Variants in TIPARP observed in about 807,000 individuals in gnomAD.
TIPARP encodes the protein TCDD inducible poly(ADP-ribose) polymerase, also known as protein mono-ADP-ribosyltransferase TIPARP.
Under a neutral mutation model 56.5 loss-of-function variants are expected in TIPARP, and 12 were observed. The ratio of observed to expected loss-of-function variants is 0.21; its 90% CI spans 0.14 to 0.34. The LOEUF is 0.34. Ranked by LOEUF, TIPARP falls within the 10% of genes least tolerant of loss-of-function variation. TIPARP has a pLI of 1.00. For synonymous variants in TIPARP, 296 were observed against 265.7 expected (o/e 1.11, Z -1.11); for missense variants, 604 against 781.6 (o/e 0.77, Z 2.71).
intron 2 of TIPARP, among the ~76,000 whole-genome samples, chr3:156,687,898 T>C (rs1722469990): frequency 6.6e-6 from 1 of 152,166 alleles, no homozygotes; most frequent in Admixed American, 6.6e-5. Flanking sequence ...CCAAGATGTC[T>C]CAGGAGGTAC....
At position 156,705,277 on chromosome 3, in the gene TIPARP, T is replaced by C. The variant is rs1722953320; in HGVS notation, c.*146T>C. ...ATTTTTTAAAGTGCTAGAAAATGCT[T>C]TTTTTAAAAAAAAAATACAAGTTTT... On this transcript the variant is annotated 3_prime_UTR_variant, in exon 6 of 6. Transcript: ENST00000295924. The C allele has an allele frequency of 3.1e-5, 17 of 547,562 alleles. No homozygotes were observed. In the East Asian group the frequency reaches 5.0e-4, roughly 16 times the overall value. The allele number at this position is 547,562 out of a possible 1,614,324, so 33.9% of individuals were successfully genotyped here. A position where few individuals can be genotyped will look rare whatever the true frequency, so the allele number is the denominator to read the frequency against.
intron 2 of TIPARP, among the ~76,000 whole-genome samples, chr3:156,693,671 T>C (rs1023308697): frequency 3.3e-5 from 5 of 152,224 alleles, no homozygotes; most frequent in Non-Finnish European, 7.3e-5. Context: ...TTTCTACATA[T>C]AGCATCATAG....
chr3:156,703,937 T>C (rs1055437790), intron 5 of TIPARP, among the ~76,000 whole-genome samples: 8 of 141,262 alleles, frequency 5.7e-5, no homozygotes, highest in African/African-American at 1.1e-4. Context: ...GGTGTGAACC[T>C]GGGAGGCGGA....
chr3:156,682,942 A>G (rs1281944471), intron 2 of TIPARP, among the ~76,000 whole-genome samples: 1 of 152,234 alleles, frequency 6.6e-6, no homozygotes, highest in African/African-American at 2.4e-5. Flanking sequence ...TACTATTTAC[A>G]TATGAAATAA....
rs535424608 is a variant in TIPARP at position 156,694,245 on chromosome 3, G to T, written c.1086+57G>T. ...TTTTCAAATTTATTTTTTTCTTCCT[G>T]TATTCTTTTATTCTTTCTTTACAAC... On this transcript the variant is annotated intron_variant, in intron 3 of 5. Coordinates refer to ENST00000295924, the MANE Select transcript of TIPARP (RefSeq NM_015508.5). 333 of 1,468,630 alleles carry T rather than the reference G, an allele frequency of 2.3e-4. 4 individuals carry two copies. In the South Asian group the frequency reaches 2.3e-3, roughly 10 times the overall value. 91.0% of individuals were successfully genotyped at this position (1,468,630 alleles called of 1,614,324 possible).
chr3:156,690,131 C>T (rs1016702029), intron 2 of TIPARP, among the ~76,000 whole-genome samples: 7 of 152,072 alleles, frequency 4.6e-5, no homozygotes, highest in Admixed American at 1.3e-4. Flanking sequence ...AGAGAAACTG[C>T]CTAAAATGGT....
At chr3:156,694,830 C>T (rs1238954580) in intron 3 of TIPARP, among the ~76,000 whole-genome samples, 2 of 152,196 alleles carry the variant, frequency 1.3e-5, no homozygotes, top group Non-Finnish European at 2.9e-5. Context: ...ATTAATTTCA[C>T]ATTCCAAAGA....
chr3:156,695,954 T>C lies in TIPARP; in HGVS notation c.1176T>C (p.Asn392=), dbSNP rs1722705595. Reference sequence around the variant, plus strand: ...GGAATAACCACTACATCCTCCACAATTCATTCTTCAGGAGAGAGATAAAAA... The same window carrying C: ...GGAATAACCACTACATCCTCCACAACTCATTCTTCAGGAGAGAGATAAAAA... ...MMWNNHYILH[N]SFFRREIKRR... Residue 392 remains asparagine, a synonymous_variant, in exon 4 of 6, where the codon AAT becomes AAC. Coordinates refer to ENST00000295924, the MANE Select transcript of TIPARP (RefSeq NM_015508.5). 1 of 1,611,298 alleles carries C rather than the reference T, an allele frequency of 6.2e-7. No individual in the cohort carries two copies.
At chr3:156,691,242 T>G (rs970927084) in intron 2 of TIPARP, among the ~76,000 whole-genome samples, 1 of 152,194 alleles carries the variant, frequency 6.6e-6, no homozygotes, top group Non-Finnish European at 1.5e-5. Context: ...CTTCTAAGAT[T>G]CTTCTTCTTG....
chr3:156,693,055 T>G (rs1722616713), intron 2 of TIPARP, among the ~76,000 whole-genome samples: 1 of 152,182 alleles, frequency 6.6e-6, no homozygotes, highest in African/African-American at 2.4e-5. Context: ...TTTCCTGTGT[T>G]GTAGACATCC....
intron 2 of TIPARP, among the ~76,000 whole-genome samples, chr3:156,691,540 A>G (rs147438574): frequency 5.3e-4 from 81 of 152,266 alleles, no homozygotes; most frequent in African/African-American, 1.8e-3. Flanking sequence ...ATTATCATAC[A>G]TAGATGACTC....
intron 2 of TIPARP, among the ~76,000 whole-genome samples, chr3:156,688,981 A>C (rs1268673702): frequency 2.6e-5 from 4 of 152,188 alleles, no homozygotes; most frequent in Non-Finnish European, 5.9e-5. Flanking sequence ...GTGTATGGTG[A>C]GTCTAGCTGA....
At chr3:156,689,791 C>T (rs1722519977) in intron 2 of TIPARP, among the ~76,000 whole-genome samples, 1 of 152,218 alleles carries the variant, frequency 6.6e-6, no homozygotes, top group Non-Finnish European at 1.5e-5. Context: ...CACATGGAGT[C>T]ACTCCGCATG....
chr3:156,688,100 C>T (rs866988566), intron 2 of TIPARP, among the ~76,000 whole-genome samples: 1 of 152,004 alleles, frequency 6.6e-6, no homozygotes, highest in Non-Finnish European at 1.5e-5. Context: ...AGAATTTTAA[C>T]CTCTGAGGCT....
chr3:156,691,922 AT>A (rs1449328237), intron 2 of TIPARP, among the ~76,000 whole-genome samples: 3 of 152,180 alleles, frequency 2.0e-5, no homozygotes, highest in African/African-American at 2.4e-5. Flanking sequence ...TGCACAGAGA[AT>A]GTAGCAAAAG....
chr3:156,677,697 T>G lies in TIPARP; in HGVS notation c.-1T>G. 6.4e-7 allele frequency: 1 copy of G among 1,574,150 alleles called. No individual in the cohort carries two copies. The highest frequency in any genetic ancestry group is 8.6e-7 in the Non-Finnish European group (1 of 1,165,228). ...AGGAGCAGTTGGAGCTAATCCACATTATGGAAATGGAAACCACCGAACCTG... is the reference window on the plus strand; with the variant it reads ...AGGAGCAGTTGGAGCTAATCCACATGATGGAAATGGAAACCACCGAACCTG... On this transcript the variant is annotated 5_prime_UTR_variant, in exon 2 of 6. It adds an upstream start codon to the 5' untranslated region. Coordinates refer to ENST00000295924, the MANE Select transcript of TIPARP (RefSeq NM_015508.5).
chr3:156,676,138 G>T (rs1294699745), intron 1 of TIPARP, among the ~76,000 whole-genome samples: 1 of 152,218 alleles, frequency 6.6e-6, no homozygotes. Flanking sequence ...CACAATCTGT[G>T]CCAATTGTGC....
Position 156,705,737 on chromosome 3 carries a change from T to C in TIPARP, c.*606T>C, listed in dbSNP as rs1722963294. 1 of 152,654 alleles carries C rather than the reference T, an allele frequency of 6.6e-6. No individual in the cohort carries two copies. The highest frequency in any genetic ancestry group is 2.4e-5 in the African/African-American group (1 of 41,458). The allele number at this position is 152,654 out of a possible 1,614,324, so 9.5% of individuals were successfully genotyped here. A position where few individuals can be genotyped will look rare whatever the true frequency, so the allele number is the denominator to read the frequency against. On this transcript the variant is annotated 3_prime_UTR_variant, in exon 6 of 6. Coordinates refer to ENST00000295924, the MANE Select transcript of TIPARP (RefSeq NM_015508.5). ...CAGAGTTTGCCCCAGAATTCAGAGTTCTATTTAGAGGAAGTTAAAACAACA... is the reference window on the plus strand; with the variant it reads ...CAGAGTTTGCCCCAGAATTCAGAGTCCTATTTAGAGGAAGTTAAAACAACA...
chr3:156,700,668 A>G lies in TIPARP; in HGVS notation c.1248-2756A>G, dbSNP rs143945845. On this transcript the variant is annotated intron_variant, in intron 4 of 5. Transcript: ENST00000295924. ...GTTCAGTGCTTTCAGCTGAAAGAAC[A>G]TTTATCCCATGCAGTCACCTCATGG... is the stretch of plus-strand genomic sequence containing the variant. Among the ~76,000 whole-genome samples the G allele has an allele frequency of 1.4e-3, 215 of 152,344 alleles. 1 individual carries two copies. The highest frequency in any genetic ancestry group is 4.7e-3 in the African/African-American group (197 of 41,586).
Sources: gnomAD v4.1 joint callset for allele counts (sites outside exome capture counted in the v4.1 genomes callset) on GRCh38, gnomAD v4.1.1 for gene constraint, MANE v1.5 for transcripts, NCBI Gene and HGNC (gene_info 2026-07-23, HGNC 2026-07-21) for gene names.